The following PPIP5K2 variants were observed in gnomAD, a reference collection of about 807,000 sequenced individuals.
PPIP5K2 encodes diphosphoinositol pentakisphosphate kinase 2.
A neutral mutation model predicts 154.6 loss-of-function variants in PPIP5K2; 105 were observed. The observed-to-expected ratio is 0.68, with a 90% CI of 0.58 to 0.80. The LOEUF (loss-of-function observed/expected upper bound fraction) is 0.80, where lower values mean the gene tolerates loss of function less well. PPIP5K2 is among the 30% of genes least tolerant of loss of function. The pLI is 0.00. For synonymous variants in PPIP5K2, 480 were observed against 490.3 expected (o/e 0.98, Z 0.28); for missense variants, 992 against 1,504.6 (o/e 0.66, Z 5.64).
chr5:103,142,411 C>G (rs769275231), intron 5 of PPIP5K2, among the ~76,000 whole-genome samples: 2 of 152,292 alleles, frequency 1.3e-5, no homozygotes, highest in East Asian at 1.9e-4. Flanking sequence ...TTCCCGCTCG[C>G]GCCTCTCCCT....
rs782276967 is a variant in PPIP5K2 at position 103,173,986 on chromosome 5, G to C, written c.2529+14G>C. ...GCCTTATGCAATGTAAGTAGAATAA[G>C]TTATTTCAGTCTAACAAATATATTT... On this transcript the variant is annotated intron_variant, in intron 21 of 30. Coordinates refer to ENST00000358359, the MANE Select transcript of PPIP5K2 (RefSeq NM_001276277.3). 24 of 1,492,012 alleles carry C rather than the reference G, an allele frequency of 1.6e-5. No homozygotes were observed. Among genetic ancestry groups the C allele is most frequent in the Non-Finnish European group, 2.2e-5 (24 of 1,085,978 alleles). The allele number at this position is 1,492,012 out of a possible 1,614,324, so 92.4% of individuals were successfully genotyped here. A position where few individuals can be genotyped will look rare whatever the true frequency, so the allele number is the denominator to read the frequency against.
At position 103,152,883 on chromosome 5, in the gene PPIP5K2, A is replaced by G. The variant is rs1583314786; in HGVS notation, c.1130+134A>G. On this transcript the variant is annotated intron_variant, in intron 10 of 30. Coordinates refer to ENST00000358359, the MANE Select transcript of PPIP5K2 (RefSeq NM_001276277.3). Reference sequence around the variant, plus strand: ...TTCATATGATTCAGCTTGAAGATAGAGGAGTAGATTATACGTATTTATAAG... The same window carrying G: ...TTCATATGATTCAGCTTGAAGATAGGGGAGTAGATTATACGTATTTATAAG... 9 of 576,384 alleles carry G rather than the reference A, an allele frequency of 1.6e-5. No homozygotes were observed. In the East Asian group the frequency reaches 2.7e-4, roughly 18 times the overall value. The allele number at this position is 576,384 out of a possible 1,614,324, so 35.7% of individuals were successfully genotyped here. A position where few individuals can be genotyped will look rare whatever the true frequency, so the allele number is the denominator to read the frequency against.
chr5:103,139,541 C>G (rs1229326830), intron 5 of PPIP5K2, among the ~76,000 whole-genome samples: 2 of 152,162 alleles, frequency 1.3e-5, no homozygotes, highest in African/African-American at 4.8e-5. Context: ...ATGTGGAAAG[C>G]TTTCTCAAGA....
chr5:103,183,245 C>T lies in PPIP5K2; in HGVS notation c.2934C>T (p.Pro978=), dbSNP rs1799849448. ...RKTATNDEES[P]LSVSSPEGTG... Reference sequence around the variant, plus strand: ...TTTCTCACTTCCAGGAAGAGAGCCCCCTGAGTGTGTCTAGCCCAGAGGGTA... The same window carrying T: ...TTTCTCACTTCCAGGAAGAGAGCCCTCTGAGTGTGTCTAGCCCAGAGGGTA... Residue 978 remains proline (P), a synonymous_variant, in exon 25 of 31, where the codon CCC becomes CCT. Transcript: ENST00000358359. The T allele has an allele frequency of 8.5e-7, 1 of 1,172,702 alleles. No homozygotes were observed. The highest frequency in any genetic ancestry group is 5.9e-5 in the East Asian group (1 of 16,844). The allele number at this position is 1,172,702 out of a possible 1,614,324, so 72.6% of individuals were successfully genotyped here.
intron 29 of PPIP5K2, among the ~76,000 whole-genome samples, chr5:103,191,353 C>A (rs1156963532): frequency 6.6e-6 from 1 of 151,988 alleles, no homozygotes; most frequent in African/African-American, 2.4e-5. Flanking sequence ...CACATTAACC[C>A]ATTCATACAC....
rs1427946364 is a variant in PPIP5K2, at chr5:103,183,326, A to T, written c.3015A>T (p.Arg1005Ser). 6.2e-7 allele frequency: 1 copy of T among 1,607,890 alleles called. No individual in the cohort carries two copies. The highest frequency in any genetic ancestry group is 2.3e-5 in the East Asian group (1 of 44,198). The change falls in exon 25 of 31, where the codon AGA (arginine) becomes AGT (serine). Residue 1005 changes from arginine (R) to serine (S), a missense_variant. Transcript: ENST00000358359. ...SGVGTGRRRR[R>S]SGEQITSSPV... ...TGGGTACTGGGCGTCGAAGACGCAG[A>T]TCAGGGGAACAAATCACTTCTTCCC...
chr5:103,140,807 C>A (rs1339526341), intron 5 of PPIP5K2, among the ~76,000 whole-genome samples: 1 of 148,118 alleles, frequency 6.8e-6, no homozygotes. Context: ...ACAGCACTCC[C>A]GCCTGGGCGA....
chr5:103,122,167 G>A (rs1423451977), intron 1 of PPIP5K2, among the ~76,000 whole-genome samples: 1 of 152,136 alleles, frequency 6.6e-6, no homozygotes, highest in African/African-American at 2.4e-5. Flanking sequence ...GCATATAGAT[G>A]ATTAACAAAC....
intron 8 of PPIP5K2, among the ~76,000 whole-genome samples, chr5:103,149,739 C>T (rs965868633): frequency 3.3e-4 from 50 of 151,750 alleles, no homozygotes; most frequent in Non-Finnish European, 4.1e-4. Context: ...CGCTGTCACC[C>T]AGGCTGGAGT....
intron 5 of PPIP5K2, 32 bp from the exon 6 acceptor site, chr5:103,146,495 T>C (rs149506938): frequency 4.4e-6 from 7 of 1,596,160 alleles, no homozygotes; most frequent in Middle Eastern, 4.5e-4. Context: ...TAAGAATATG[T>C]GATATTTCTT....
chr5:103,125,439 T>C (rs1789489902), intron 1 of PPIP5K2, among the ~76,000 whole-genome samples: 1 of 149,572 alleles, frequency 6.7e-6, no homozygotes, highest in Non-Finnish European at 1.5e-5. Flanking sequence ...TCCATGCTCT[T>C]AACCACTAGC....
intron 26 of PPIP5K2, among the ~76,000 whole-genome samples, chr5:103,185,067 A>G (rs1197221296): frequency 2.0e-5 from 3 of 152,178 alleles, no homozygotes; most frequent in Non-Finnish European, 4.4e-5. Context: ...GATAAAGATG[A>G]AAAGATGCTA....
intron 6 of PPIP5K2, 145 bp from the exon 7 acceptor site, chr5:103,147,786 G>A (rs1793981790): frequency 1.7e-6 from 1 of 582,100 alleles, no homozygotes. Flanking sequence ...TATATAGTAA[G>A]TTTTGTTAAA....
Position 103,206,745 on chromosome 5 carries a change from CTTG to C in PPIP5K2, c.*5117_*5119del, listed in dbSNP as rs1554232282. On this transcript the variant is annotated 3_prime_UTR_variant, in exon 31 of 31. Transcript: ENST00000358359. ...CCAAAAAGGAAAGTAGGGCCAGCTC[CTTG>C]TTGTTCCATTTTTCCCCTACCATGG... The C allele has an allele frequency of 1.3e-5, 2 of 152,216 alleles. No homozygotes were observed. Among genetic ancestry groups the C allele is most frequent in the Admixed American group, 6.5e-5 (1 of 15,274 alleles). 9.4% of individuals were successfully genotyped at this position (152,216 alleles called of 1,614,324 possible).
chr5:103,191,751 G>C (rs988924396), intron 29 of PPIP5K2, among the ~76,000 whole-genome samples: 2 of 152,060 alleles, frequency 1.3e-5, no homozygotes, highest in Non-Finnish European at 2.9e-5. Flanking sequence ...TCAGCTGCCA[G>C]TTGTCGTTTT....
chr5:103,153,711 G>C, intron 10 of PPIP5K2, 137 bp from the exon 11 acceptor site: 1 of 548,718 alleles, frequency 1.8e-6, no homozygotes. Context: ...ATTGTTATAA[G>C]TATTATTCTT....
chr5:103,181,287 G>C (rs1259014642), intron 24 of PPIP5K2, among the ~76,000 whole-genome samples: 1 of 152,092 alleles, frequency 6.6e-6, no homozygotes, highest in African/African-American at 2.4e-5. Flanking sequence ...AGGAAGAGGG[G>C]CCTGGCGTGG....
chr5:103,204,107 G>A lies in PPIP5K2; in HGVS notation c.*2473G>A, dbSNP rs538650397. On this transcript the variant is annotated 3_prime_UTR_variant, in exon 31 of 31. Coordinates refer to ENST00000358359, the MANE Select transcript of PPIP5K2 (RefSeq NM_001276277.3). ...AGGAAAAAGTTTCTGTTTTCACCCG[G>A]ATTTCTTTTTGGGTTGACTCTGTCT... 6.6e-5 allele frequency: 10 copies of A among 152,282 alleles called. No homozygotes were observed. In the South Asian group the frequency reaches 2.1e-3, roughly 32 times the overall value. The allele number at this position is 152,282 out of a possible 1,614,324, so 9.4% of individuals were successfully genotyped here. A position where few individuals can be genotyped will look rare whatever the true frequency, so the allele number is the denominator to read the frequency against.
intron 14 of PPIP5K2, among the ~76,000 whole-genome samples, chr5:103,157,683 C>T (rs1554213991): frequency 6.6e-6 from 1 of 150,708 alleles, no homozygotes; most frequent in Non-Finnish European, 1.5e-5. Flanking sequence ...GCCAGGGCGA[C>T]CAAGCGAGAC....
Sources: gnomAD v4.1 joint callset for allele counts (sites outside exome capture counted in the v4.1 genomes callset) on GRCh38, gnomAD v4.1.1 for gene constraint, MANE v1.5 for transcripts, NCBI Gene and HGNC (gene_info 2026-07-23, HGNC 2026-07-21) for gene names.